The following GRAMD4 variants were observed in gnomAD, a reference collection of about 807,000 sequenced individuals.
GRAMD4 encodes GRAM domain-containing protein 4.
Under a neutral mutation model 83.9 loss-of-function variants are expected in GRAMD4, and 25 were observed. That is an observed-to-expected ratio of 0.30 (90% CI 0.22 to 0.42). The LOEUF (loss-of-function observed/expected upper bound fraction) is 0.42. GRAMD4 is among the 10% of genes least tolerant of loss of function. The probability of loss-of-function intolerance (pLI) is 1.00; values close to 1 mark genes in which losing one functional copy is unlikely to be tolerated. For missense variants in GRAMD4, 593 were observed against 788.7 expected (o/e 0.75, Z 2.97); for synonymous variants, 336 against 320.9 (o/e 1.05, Z -0.50).
In GRAMD4 at chr22:46,679,389, G is replaced by A. The variant is rs946687776; in HGVS notation, c.*2138G>A. 126 of 985,266 alleles carry A rather than the reference G, an allele frequency of 1.3e-4. No homozygotes were observed. Among genetic ancestry groups the A allele is most frequent in the Admixed American group, 3.7e-4 (6 of 16,276 alleles). 61.0% of individuals were successfully genotyped at this position (985,266 alleles called of 1,614,324 possible). ...GGCCACATTCGGGGAGCGGGGGGTC[G>A]GGGGAGGGCCACCGACTGGCTCTGC... On this transcript the variant is annotated 3_prime_UTR_variant, in exon 19 of 19. Coordinates refer to ENST00000406902, the MANE Select transcript of GRAMD4 (RefSeq NM_015124.5).
intron 14 of GRAMD4, 83 bp downstream of exon 14, chr22:46,673,080 C>T (rs1236975075): frequency 8.9e-7 from 1 of 1,123,668 alleles, no homozygotes; most frequent in South Asian, 1.5e-5. Context: ...GCTCTGTTCA[C>T]CTCCGGCTCA....
intron 8 of GRAMD4, among the ~76,000 whole-genome samples, chr22:46,665,366 C>T (rs951765670): frequency 8.5e-5 from 13 of 152,248 alleles, no homozygotes; most frequent in African/African-American, 2.4e-4. Context: ...TGGAACCAGC[C>T]GCCCTCTTCT....
chr22:46,670,954 C>G (rs1289324384), intron 13 of GRAMD4: 2 of 302,284 alleles, frequency 6.6e-6, no homozygotes, highest in Non-Finnish European at 1.5e-5. Context: ...TCACAACCAC[C>G]CTGAGATCAC....
chr22:46,672,998 G>A lies in GRAMD4; in HGVS notation c.1239+1G>A. On this transcript the variant is annotated splice_donor_variant, in intron 14 of 18. Coordinates refer to ENST00000406902, the MANE Select transcript of GRAMD4 (RefSeq NM_015124.5). LOFTEE classifies it high-confidence loss of function. The surrounding 1 kb of genome is among the most constrained non-coding windows in gnomAD (Gnocchi z 4.7). ...CTCCAGCGCCGCAGTCTCACGCAGG[G>A]TGAGCCCGGCCCCCAGCTGCGGGGA... 6.3e-7 allele frequency: 1 copy of A among 1,588,994 alleles called. No individual in the cohort carries two copies. The highest frequency in any genetic ancestry group is 8.5e-7 in the Non-Finnish European group (1 of 1,172,288).
At chr22:46,623,158 C>A (rs1335045044) in intron 1 of GRAMD4, among the ~76,000 whole-genome samples, 1 of 152,074 alleles carries the variant, frequency 6.6e-6, no homozygotes, top group Non-Finnish European at 1.5e-5. Flanking sequence ...TTGCCTTCAT[C>A]CCTTTACAAG....
At chr22:46,649,432 C>G (rs942978361) in intron 3 of GRAMD4, among the ~76,000 whole-genome samples, 1 of 152,234 alleles carries the variant, frequency 6.6e-6, no homozygotes, top group Non-Finnish European at 1.5e-5. Context: ...TCAGATGCCG[C>G]GTGCCTCTCA....
chr22:46,670,397 T>C (rs11705341), intron 13 of GRAMD4, among the ~76,000 whole-genome samples: 33,705 of 152,212 alleles, frequency 0.22, 4,539 homozygotes, highest in East Asian at 0.36. Context: ...GACAATGCCC[T>C]GGAGCCCCTC....
At chr22:46,658,076 G>A (rs2082270374) in intron 3 of GRAMD4, 111 bp from the exon 4 acceptor site, 12 of 1,330,216 alleles carry the variant, frequency 9.0e-6, no homozygotes, top group South Asian at 2.4e-5. Flanking sequence ...GTCCGCTTAC[G>A]GAGCAGAGAC....
intron 1 of GRAMD4, among the ~76,000 whole-genome samples, chr22:46,589,515 C>T (rs1302540347): frequency 1.3e-5 from 2 of 151,714 alleles, no homozygotes; most frequent in African/African-American, 4.8e-5. Flanking sequence ...GCCCTATTAT[C>T]TGAAGACCTG....
In GRAMD4 at chr22:46,580,074, G is replaced by T. The variant is rs575222371; in HGVS notation, c.-50+2784G>T. 6.8e-4 allele frequency among the ~76,000 whole-genome samples: 104 copies of T among 152,332 alleles called. 1 individual carries two copies. Among genetic ancestry groups the T allele is most frequent in the African/African-American group, 2.5e-3 (103 of 41,570 alleles). ...TGGCCTCTTTAGGGGTAAGGAGACTGTCTCTGCAGAAAGCCCGGGGCAGCA... is the reference window on the plus strand; with the variant it reads ...TGGCCTCTTTAGGGGTAAGGAGACTTTCTCTGCAGAAAGCCCGGGGCAGCA... On this transcript the variant is annotated intron_variant, in intron 1 of 1. Transcript: ENST00000431155.
intron 1 of GRAMD4, among the ~76,000 whole-genome samples, chr22:46,583,732 G>A (rs1301880282): frequency 2.0e-5 from 3 of 152,224 alleles, no homozygotes; most frequent in Non-Finnish European, 4.4e-5. Flanking sequence ...GTCACGCCAG[G>A]CGCATACCTT....
intron 1 of GRAMD4, among the ~76,000 whole-genome samples, chr22:46,626,419 G>A (rs1411730786): frequency 2.6e-5 from 4 of 152,280 alleles, no homozygotes; most frequent in African/African-American, 9.6e-5. Context: ...TCTGCCTGCT[G>A]GGAGCCGGGG....
At chr22:46,611,509 G>A (rs1346060195) in intron 1 of GRAMD4, among the ~76,000 whole-genome samples, 1 of 152,122 alleles carries the variant, frequency 6.6e-6, no homozygotes, top group Non-Finnish European at 1.5e-5. Flanking sequence ...TTGTCAGGTG[G>A]TTTAGCAGAT....
intron 3 of GRAMD4, among the ~76,000 whole-genome samples, chr22:46,644,405 CCT>C (rs1158577942): frequency 6.6e-6 from 1 of 151,940 alleles, no homozygotes; most frequent in Admixed American, 6.6e-5. Context: ...TACACCTGCC[CCT>C]GTTCCATGTT....
chr22:46,672,341 T>C lies in GRAMD4; in HGVS notation c.1085-502T>C, dbSNP rs1169321597. ...TGGGAGCCGTCTGAGCAGCTGGTCATGGGCGGCCTCTCAGCAGGGATGGGC... is the reference window on the plus strand; with the variant it reads ...TGGGAGCCGTCTGAGCAGCTGGTCACGGGCGGCCTCTCAGCAGGGATGGGC... On this transcript the variant is annotated intron_variant, in intron 13 of 18. Transcript: ENST00000406902. The surrounding 1 kb of genome is among the most constrained non-coding windows in gnomAD (Gnocchi z 4.7). Among the ~76,000 whole-genome samples, 6 of 138,764 alleles carry C rather than the reference T, an allele frequency of 4.3e-5. No individual in the cohort carries two copies. Among genetic ancestry groups the C allele is most frequent in the Non-Finnish European group, 9.2e-5 (6 of 65,002 alleles). 91.0% of individuals were successfully genotyped at this position (138,764 alleles called of 152,430 possible). A position where few individuals can be genotyped will look rare whatever the true frequency, so the allele number is the denominator to read the frequency against.
intron 3 of GRAMD4, among the ~76,000 whole-genome samples, chr22:46,652,611 G>A (rs1442603754): frequency 6.6e-6 from 1 of 152,234 alleles, no homozygotes; most frequent in Non-Finnish European, 1.5e-5. Flanking sequence ...AGGGCAGGGA[G>A]GCCTGTGGGT....
At chr22:46,671,208 G>A (rs998113293) in intron 13 of GRAMD4, 4 of 392,024 alleles carry the variant, frequency 1.0e-5, no homozygotes, top group African/African-American at 2.1e-5. Context: ...CCAAGGGGGT[G>A]GTCCTGGCCC....
upstream of GRAMD4, among the ~76,000 whole-genome samples, chr22:46,615,901 CGTGTAGGTTCCCCCGTGT>C (rs1247896311): frequency 7.6e-5 from 4 of 52,608 alleles, no homozygotes; most frequent in South Asian, 6.9e-4. Flanking sequence ...TTCCCCTGTG[CGTGTAGGTTCCCCCGTGT>C]GTAGGTTCCC....
Position 46,668,708 on chromosome 22 carries a change from C to G in GRAMD4, c.950C>G (p.Ala317Gly). The change falls in exon 12 of 19, where the codon GCT (alanine) becomes GGT (glycine). Residue 317 changes from alanine (A) to glycine (G), a missense_variant. Physicochemically the swap from Ala to Gly is moderately conservative, Grantham distance 60 (BLOSUM62 0). This residue lies in a region of GRAMD4 where 36 missense variants were observed against 85.8 expected (regional missense o/e 0.42). Coordinates refer to ENST00000406902, the MANE Select transcript of GRAMD4 (RefSeq NM_015124.5). ...ACACAGAACCTTTTCGGGAAGATGG[C>G]TGACATCCTGGAGAAGATCAAGAAG... Reference protein sequence around the residue: ...QKAQNLFGKMADILEKIKNLF... With the variant: ...QKAQNLFGKMGDILEKIKNLF... 9 of 1,612,492 alleles carry G rather than the reference C, an allele frequency of 5.6e-6. No individual in the cohort carries two copies. Among genetic ancestry groups the G allele is most frequent in the Non-Finnish European group, 7.6e-6 (9 of 1,179,408 alleles).
Sources: allele counts gnomAD v4.1 joint callset (sites outside exome capture counted in the v4.1 genomes callset), GRCh38; gene constraint gnomAD v4.1.1; regional missense constraint gnomAD v4.1.1; non-coding constraint Gnocchi (gnomAD v3.1); transcripts MANE v1.5; gene names NCBI Gene and HGNC (gene_info 2026-07-23, HGNC 2026-07-21).